The following NBAS variants were observed in gnomAD, a reference collection of about 807,000 sequenced individuals.
NBAS encodes NAG/BC035112 fusion.
NBAS carries 219 observed loss-of-function variants against 302.5 expected under a neutral mutation model. That is an observed-to-expected ratio of 0.72 (90% CI 0.65 to 0.81). The LOEUF is 0.81. Among genes scored for constraint, NBAS ranks in the 30% least tolerant of loss-of-function variants. NBAS has a pLI of 0.00. For missense variants in NBAS, 2,932 were observed against 2,841.6 expected (o/e 1.03, Z -0.72); for synonymous variants, 1,118 against 1,021.6 (o/e 1.09, Z -1.80).
chr2:15,275,571 G>C lies in NBAS; in HGVS notation c.5637C>G (p.Val1879=). ...GGAGACGATCAAAGTACTTCATGCA[G>C]ACATCATAGGCATGAAGCCACTCCG... is the stretch of plus-strand genomic sequence containing the variant. ...SSPEWLHAYD[V]CMKYFDRLHP... Residue 1879 remains valine (V), a synonymous_variant, in exon 44 of 52, where the codon GTC becomes GTG. Coordinates refer to ENST00000281513, the MANE Select transcript of NBAS (RefSeq NM_015909.4). 1 of 1,614,074 alleles carries C rather than the reference G, an allele frequency of 6.2e-7. No homozygotes were observed. The highest frequency in any genetic ancestry group is 8.5e-7 in the Non-Finnish European group (1 of 1,179,990).
the NBAS span, among the ~76,000 whole-genome samples, chr2:14,826,382 G>A: frequency 6.6e-6 from 1 of 152,214 alleles, no homozygotes; most frequent in African/African-American, 2.4e-5. Flanking sequence ...AAGTAAATAT[G>A]TAAATGCACA....
chr2:14,888,754 G>A, the NBAS span, among the ~76,000 whole-genome samples: 1 of 152,238 alleles, frequency 6.6e-6, no homozygotes, highest in East Asian at 1.9e-4. Flanking sequence ...TTATTCTTAA[G>A]GTCTAAGTCA....
chr2:14,968,195 G>T, the NBAS span, among the ~76,000 whole-genome samples: 7,500 of 152,212 alleles, frequency 0.049, 297 homozygotes, highest in Non-Finnish European at 0.076. Flanking sequence ...CAAATTTTGG[G>T]TAAGGGGGCC....
At chr2:15,133,326 G>GC in the NBAS span, among the ~76,000 whole-genome samples, 5 of 152,126 alleles carry the variant, frequency 3.3e-5, no homozygotes, top group African/African-American at 1.2e-4. Flanking sequence ...ATAGCGGGGG[G>GC]GGGGCAGGGA....
At chr2:14,996,242 G>T in the NBAS span, among the ~76,000 whole-genome samples, 6 of 152,142 alleles carry the variant, frequency 3.9e-5, no homozygotes, top group African/African-American at 1.2e-4. Context: ...ACTTATGTTC[G>T]TCTTAAGTGC....
At chr2:15,278,096 T>G (rs1410903686) in intron 42 of NBAS, among the ~76,000 whole-genome samples, 1 of 152,180 alleles carries the variant, frequency 6.6e-6, no homozygotes, top group Admixed American at 6.5e-5. Context: ...CTCTGAAACA[T>G]GACAACTTGT....
chr2:14,991,782 C>A, the NBAS span, among the ~76,000 whole-genome samples: 1 of 152,338 alleles, frequency 6.6e-6, no homozygotes, highest in Non-Finnish European at 1.5e-5. Flanking sequence ...GTTTAACAAG[C>A]TTTCCAGGTG....
chr2:15,439,027 G>A (rs1678185318), intron 21 of NBAS, among the ~76,000 whole-genome samples: 1 of 152,254 alleles, frequency 6.6e-6, no homozygotes, highest in African/African-American at 2.4e-5. Context: ...CGGGCACGGT[G>A]GCTCATGCCT....
At chr2:14,804,658 T>C in the NBAS span, among the ~76,000 whole-genome samples, 1 of 152,192 alleles carries the variant, frequency 6.6e-6, no homozygotes, top group East Asian at 1.9e-4. Flanking sequence ...TAAGGAATAA[T>C]GAGTGAAAAT....
rs757344424 is a variant in NBAS, at chr2:15,382,496, A to C, written c.3360+719T>G. Among the ~76,000 whole-genome samples the C allele has an allele frequency of 3.9e-5, 6 of 152,328 alleles. No homozygotes were observed. The East Asian group carries it at 1.2e-3, about 29-fold the overall frequency. ...AAGGACAAAGATAATTAGTGAGCTG[A>C]GTTCTGAACTTTTATTAGGAGTTTT... On this transcript the variant is annotated intron_variant, in intron 29 of 51. Coordinates refer to ENST00000281513, the MANE Select transcript of NBAS (RefSeq NM_015909.4).
At position 15,276,964 on chromosome 2, in the gene NBAS, A is replaced by C. The variant is rs369797967; in HGVS notation, c.5276T>G (p.Leu1759Arg). The change falls in exon 43 of 52, where the codon CTG (leucine) becomes CGG (arginine). Residue 1759 changes from leucine to arginine, a missense_variant. Coordinates refer to ENST00000281513, the MANE Select transcript of NBAS (RefSeq NM_015909.4). The part of the protein sequence containing the change: ...PTIGGFDHER[L>R]QYYFTLLENC... Reference sequence around the variant, plus strand: ...TTCCAGAAGAGTGAAATAATACTGCAGCCTTTCGTGATCAAAGCCACCAAT... The same window carrying C: ...TTCCAGAAGAGTGAAATAATACTGCCGCCTTTCGTGATCAAAGCCACCAAT... The C allele has an allele frequency of 1.7e-5, 28 of 1,613,946 alleles. No individual in the cohort carries two copies. In the African/African-American group the frequency reaches 3.1e-4, roughly 18 times the overall value.
At chr2:15,196,642 G>T (rs931590430) in intron 48 of NBAS, among the ~76,000 whole-genome samples, 3 of 152,050 alleles carry the variant, frequency 2.0e-5, no homozygotes, top group African/African-American at 7.2e-5. Context: ...ACAATTTGAG[G>T]GGAAAAATCC....
At chr2:14,923,916 G>A in the NBAS span, among the ~76,000 whole-genome samples, 2 of 152,174 alleles carry the variant, frequency 1.3e-5, no homozygotes, top group South Asian at 2.1e-4. Flanking sequence ...GACGCTGGAA[G>A]CAGGAGAGAT....
intron 50 of NBAS, among the ~76,000 whole-genome samples, chr2:15,180,804 G>C (rs536011657): frequency 6.6e-6 from 1 of 152,194 alleles, no homozygotes; most frequent in African/African-American, 2.4e-5. Flanking sequence ...TACCATATTA[G>C]GCAGTATGGC....
chr2:14,781,475 GA>G, the NBAS span, among the ~76,000 whole-genome samples: 1,470 of 144,062 alleles, frequency 0.01, 11 homozygotes, highest in Non-Finnish European at 0.012. Context: ...AAATCTACAG[GA>G]AAAAAAAAAA....
At chr2:15,396,578 ATG>A (rs1464550216) in intron 26 of NBAS, 103 bp from the exon 27 acceptor site, 10 of 713,024 alleles carry the variant, frequency 1.4e-5, no homozygotes. Flanking sequence ...TTTCTTTTAT[ATG>A]TAATGTATAA....
At chr2:15,553,202 A>T (rs1190373193) in intron 5 of NBAS, among the ~76,000 whole-genome samples, 1 of 152,222 alleles carries the variant, frequency 6.6e-6, no homozygotes, top group East Asian at 1.9e-4. Context: ...ACTTCTTAAG[A>T]GGCAACGGAA....
At chr2:15,036,866 A>G in the NBAS span, among the ~76,000 whole-genome samples, 1 of 152,114 alleles carries the variant, frequency 6.6e-6, no homozygotes, top group East Asian at 1.9e-4. Flanking sequence ...TAGAGGACAC[A>G]AAGTATCCAA....
chr2:14,899,195 C>T, the NBAS span, among the ~76,000 whole-genome samples: 1 of 152,200 alleles, frequency 6.6e-6, no homozygotes, highest in Non-Finnish European at 1.5e-5. Context: ...ACATTACTTC[C>T]TCCACATTCT....
Sources: allele counts gnomAD v4.1 joint callset (sites outside exome capture counted in the v4.1 genomes callset), GRCh38; gene constraint gnomAD v4.1.1; transcripts MANE v1.5; gene names NCBI Gene and HGNC (gene_info 2026-07-23, HGNC 2026-07-21).